The following MARCHF3 variants were observed in gnomAD, a reference collection of about 807,000 sequenced individuals.
MARCHF3 encodes the protein E3 ubiquitin-protein ligase MARCHF3.
MARCHF3 carries 13 observed loss-of-function variants against 24.2 expected under a neutral mutation model. That is an observed-to-expected ratio of 0.54 (90% confidence interval 0.35 to 0.85). The LOEUF (loss-of-function observed/expected upper bound fraction) is 0.85, where lower values mean the gene tolerates loss of function less well. Ranked by LOEUF, MARCHF3 falls within the 40% of genes least tolerant of loss-of-function variation. The pLI, the probability that MARCHF3 is intolerant of heterozygous loss-of-function variation, is 0.01. For missense variants in MARCHF3, 276 were observed against 325.0 expected, an observed-to-expected ratio of 0.85 and a Z score of 1.16; for synonymous variants, 144 against 137.3, an observed-to-expected ratio of 1.05 and a Z score of -0.34.
intron 1 of MARCHF3, among the ~76,000 whole-genome samples, chr5:126,950,616 C>A (rs900319133): frequency 2.0e-5 from 3 of 152,082 alleles, no homozygotes; most frequent in African/African-American, 7.2e-5. Flanking sequence ...AGATCCCTTC[C>A]CTCTACACAC....
At chr5:126,946,470 C>CG (rs1318911215) in intron 1 of MARCHF3, 1 of 150,840 alleles carries the variant, frequency 6.6e-6, no homozygotes, top group Non-Finnish European at 1.5e-5. Flanking sequence ...ATGAACACAA[C>CG]GGGGTTTTAT....
intron 1 of MARCHF3, among the ~76,000 whole-genome samples, chr5:126,929,156 A>T (rs1332313881): frequency 6.6e-6 from 1 of 152,210 alleles, no homozygotes. Context: ...AAATTCACGT[A>T]GAGGTCCTCT....
At chr5:127,024,796 A>G (rs566975679) in intron 1 of MARCHF3, among the ~76,000 whole-genome samples, 2 of 152,278 alleles carry the variant, frequency 1.3e-5, no homozygotes, top group African/African-American at 4.8e-5. Flanking sequence ...AATTTTCCCA[A>G]TTATGAGTTC....
chr5:126,883,267 T>C (rs1049680572), intron 3 of MARCHF3, among the ~76,000 whole-genome samples: 1 of 152,224 alleles, frequency 6.6e-6, no homozygotes, highest in African/African-American at 2.4e-5. Context: ...GGCATTTTTC[T>C]CCTGGTGGAT....
intron 3 of MARCHF3, among the ~76,000 whole-genome samples, chr5:126,882,450 T>C (rs1444867589): frequency 2.0e-5 from 3 of 152,218 alleles, no homozygotes; most frequent in African/African-American, 7.2e-5. Flanking sequence ...CTCAGCTACA[T>C]TATCATGCAT....
intron 3 of MARCHF3, among the ~76,000 whole-genome samples, chr5:126,891,607 G>C (rs1242707047): frequency 7.8e-6 from 1 of 128,474 alleles, no homozygotes; most frequent in African/African-American, 3.1e-5. Context: ...GTAGATATGC[G>C]GCGTTATTTC....
chr5:127,004,205 T>C (rs1196648795), intron 1 of MARCHF3, among the ~76,000 whole-genome samples: 2 of 152,194 alleles, frequency 1.3e-5, no homozygotes, highest in Non-Finnish European at 2.9e-5. Context: ...TTGTTTTTAT[T>C]ATCTATATAT....
At chr5:126,981,052 G>A (rs973692246) in intron 1 of MARCHF3, among the ~76,000 whole-genome samples, 4 of 152,156 alleles carry the variant, frequency 2.6e-5, no homozygotes, top group African/African-American at 4.8e-5. Context: ...ACTGACACAC[G>A]ACTTCAGCTT....
chr5:126,902,839 A>G (rs1754152948), intron 3 of MARCHF3, among the ~76,000 whole-genome samples: 1 of 152,096 alleles, frequency 6.6e-6, no homozygotes, highest in Non-Finnish European at 1.5e-5. Context: ...TCATCAGACA[A>G]TGTCATCTCC....
chr5:126,918,788 C>A (rs4131248), intron 1 of MARCHF3, among the ~76,000 whole-genome samples: 71,448 of 152,048 alleles, frequency 0.47, 17,228 homozygotes, highest in East Asian at 0.65. Flanking sequence ...AATGACTGTA[C>A]CACCTTTCGA....
intron 1 of MARCHF3, among the ~76,000 whole-genome samples, chr5:126,966,880 TTCTC>T (rs933377179): frequency 9.4e-5 from 14 of 148,542 alleles, no homozygotes; most frequent in Non-Finnish European, 1.2e-4. Flanking sequence ...TCTTTTCTGT[TTCTC>T]TCTTGTTGGG....
chr5:126,868,698 G>A lies in MARCHF3; in HGVS notation c.*1935C>T, dbSNP rs899736759. The A allele has an allele frequency of 6.6e-6, 1 of 152,234 alleles. No homozygotes were observed. The highest frequency in any genetic ancestry group is 2.4e-5 in the African/African-American group (1 of 41,438). The allele number at this position is 152,234 out of a possible 1,614,324, so 9.4% of individuals were successfully genotyped here. ...CATGAATGTTGTGCCATTCAGTTGAGACGTGTCACGGGTTCACCTGACAGC... is the reference window on the plus strand; with the variant it reads ...CATGAATGTTGTGCCATTCAGTTGAAACGTGTCACGGGTTCACCTGACAGC... On this transcript the variant is annotated 3_prime_UTR_variant, in exon 5 of 5. Transcript: ENST00000308660.
chr5:126,987,610 C>T (rs1394349424), intron 1 of MARCHF3, among the ~76,000 whole-genome samples: 1 of 152,128 alleles, frequency 6.6e-6, no homozygotes, highest in Non-Finnish European at 1.5e-5. Context: ...CTATGGAGAA[C>T]CCTACCTGAT....
chr5:126,960,792 C>G (rs529980850), intron 1 of MARCHF3, among the ~76,000 whole-genome samples: 1 of 151,990 alleles, frequency 6.6e-6, no homozygotes, highest in East Asian at 1.9e-4. Context: ...GTGGCAAATA[C>G]CATACTTTTA....
At chr5:126,962,832 T>C (rs113799674) in intron 1 of MARCHF3, among the ~76,000 whole-genome samples, 184 of 91,688 alleles carry the variant, frequency 2.0e-3, no homozygotes, top group African/African-American at 9.3e-3. Flanking sequence ...TGTGTGTGTG[T>C]GCGTGTGTGT....
intron 1 of MARCHF3, among the ~76,000 whole-genome samples, chr5:126,921,032 T>A (rs1749091103): frequency 6.6e-6 from 1 of 151,514 alleles, no homozygotes; most frequent in African/African-American, 2.4e-5. Context: ...TTGGGCCATA[T>A]CTGCAGAACC....
chr5:126,977,271 A>C (rs2126833519), intron 1 of MARCHF3, among the ~76,000 whole-genome samples: 1 of 152,304 alleles, frequency 6.6e-6, no homozygotes, highest in South Asian at 2.1e-4. Context: ...GGCTTATATA[A>C]TTGACTCCCC....
At chr5:127,010,306 AC>A (rs1056726944) in intron 1 of MARCHF3, among the ~76,000 whole-genome samples, 1 of 152,224 alleles carries the variant, frequency 6.6e-6, no homozygotes, top group Non-Finnish European at 1.5e-5. Flanking sequence ...ATAAAGGACA[AC>A]CAAAATCAAC....
intron 1 of MARCHF3, among the ~76,000 whole-genome samples, chr5:126,956,160 C>T (rs547171245): frequency 2.6e-5 from 4 of 152,274 alleles, no homozygotes; most frequent in African/African-American, 9.6e-5. Context: ...TTTGTCAGAA[C>T]CTGTTTTTAA....
Sources: gnomAD v4.1 joint callset for allele counts (sites outside exome capture counted in the v4.1 genomes callset) on GRCh38, gnomAD v4.1.1 for gene constraint, MANE v1.5 for transcripts, NCBI Gene and HGNC (gene_info 2026-07-23, HGNC 2026-07-21) for gene names.